The following ARHGAP10 variants were observed in gnomAD, a reference collection of about 807,000 sequenced individuals.
ARHGAP10 encodes rho GTPase-activating protein 10.
Under a neutral mutation model 108.6 loss-of-function variants are expected in ARHGAP10, and 87 were observed. The ratio of observed to expected loss-of-function variants is 0.80; its 90% CI spans 0.67 to 0.96. The LOEUF is 0.96. Ranked by LOEUF, ARHGAP10 falls within the 40% of genes least tolerant of loss-of-function variation. The pLI is 0.00. For missense variants in ARHGAP10, 939 were observed against 954.5 expected (o/e 0.98, Z 0.21); for synonymous variants, 347 against 341.1 (o/e 1.02, Z -0.19).
intron 1 of ARHGAP10, among the ~76,000 whole-genome samples, chr4:147,753,008 A>T (rs1433316176): frequency 6.6e-6 from 1 of 152,202 alleles, no homozygotes; most frequent in Non-Finnish European, 1.5e-5. Context: ...CTCCAGATTC[A>T]CCTATGAGGA....
chr4:147,804,934 C>T lies in ARHGAP10; in HGVS notation c.155-17793C>T, dbSNP rs143984189. 5.8e-4 allele frequency among the ~76,000 whole-genome samples: 89 copies of T among 152,226 alleles called. No individual in the cohort carries two copies. In the East Asian group the frequency reaches 0.017, roughly 29 times the overall value. ...CTATTCTGTGGGTTGTCTGTTTACTCTGTTGATAGTTTCTTTTTGCTGTGC... is the reference window on the plus strand; with the variant it reads ...CTATTCTGTGGGTTGTCTGTTTACTTTGTTGATAGTTTCTTTTTGCTGTGC... On this transcript the variant is annotated intron_variant, in intron 1 of 22. Coordinates refer to ENST00000336498, the MANE Select transcript of ARHGAP10 (RefSeq NM_024605.4).
At chr4:148,001,843 G>A (rs1312166356) in intron 18 of ARHGAP10, among the ~76,000 whole-genome samples, 5 of 152,140 alleles carry the variant, frequency 3.3e-5, no homozygotes, top group Admixed American at 6.6e-5. Context: ...TAAATATGCA[G>A]TCATGTCATC....
At chr4:147,757,921 G>A (rs1729447076) in intron 1 of ARHGAP10, among the ~76,000 whole-genome samples, 1 of 152,178 alleles carries the variant, frequency 6.6e-6, no homozygotes, top group South Asian at 2.1e-4. Flanking sequence ...TACCTCACCA[G>A]GGCCAGGGAG....
intron 3 of ARHGAP10, among the ~76,000 whole-genome samples, chr4:147,841,846 A>G (rs557617065): frequency 2.6e-5 from 4 of 152,310 alleles, no homozygotes; most frequent in African/African-American, 7.2e-5. Flanking sequence ...AGTTGGATAT[A>G]GTGTTATTTG....
chr4:147,953,015 C>T (rs1738666022), intron 15 of ARHGAP10, among the ~76,000 whole-genome samples: 1 of 151,782 alleles, frequency 6.6e-6, no homozygotes, highest in Non-Finnish European at 1.5e-5. Context: ...GGCTATTTCT[C>T]CTAAATTGTC....
At chr4:147,970,117 T>C (rs183250098) in intron 18 of ARHGAP10, among the ~76,000 whole-genome samples, 1 of 152,190 alleles carries the variant, frequency 6.6e-6, no homozygotes, top group East Asian at 1.9e-4. Context: ...TCCTGGCTCT[T>C]TGTTCCTGCT....
At chr4:147,881,430 G>A (rs2126871988) in intron 9 of ARHGAP10, among the ~76,000 whole-genome samples, 1 of 152,276 alleles carries the variant, frequency 6.6e-6, no homozygotes, top group East Asian at 1.9e-4. Context: ...CTGAGGTCAG[G>A]AGATTGACAC....
intron 18 of ARHGAP10, among the ~76,000 whole-genome samples, chr4:147,989,586 T>C (rs1477558365): frequency 6.6e-6 from 1 of 152,202 alleles, no homozygotes; most frequent in East Asian, 1.9e-4. Flanking sequence ...TTCAGCGATA[T>C]TTCTCCCATT....
intron 18 of ARHGAP10, among the ~76,000 whole-genome samples, chr4:147,994,230 C>A (rs1740386726): frequency 1.3e-5 from 2 of 152,158 alleles, no homozygotes; most frequent in African/African-American, 2.4e-5. Flanking sequence ...GTTTAAATTG[C>A]ACAAAAGTGC....
In ARHGAP10 at chr4:148,015,523, C is replaced by A. The variant is rs2149657767; in HGVS notation, c.1717-7740C>A. On this transcript the variant is annotated intron_variant, in intron 18 of 22. Coordinates refer to ENST00000336498, the MANE Select transcript of ARHGAP10 (RefSeq NM_024605.4). ...GAATATTTCCAGCCTCAAGCCTGAA[C>A]CCGACTGGTATTTTACTGTCAGACC... 5.3e-5 allele frequency among the ~76,000 whole-genome samples: 8 copies of A among 152,318 alleles called. No individual in the cohort carries two copies. In the South Asian group the frequency reaches 1.4e-3, roughly 28 times the overall value.
At chr4:147,759,940 GTGT>G (rs532654940) in intron 1 of ARHGAP10, among the ~76,000 whole-genome samples, 27 of 152,094 alleles carry the variant, frequency 1.8e-4, no homozygotes, top group Admixed American at 3.9e-4. Flanking sequence ...AGTAGAGACG[GTGT>G]TTCACCATGT....
In ARHGAP10 at chr4:147,968,886, G is replaced by A. The variant is rs545554808; in HGVS notation, c.1716+2047G>A. ...TCCAGCTCCTGTGGGAAAGCAGGTCGTCATCTGGGGGCGGAAGCCATGTTT... is the reference window on the plus strand; with the variant it reads ...TCCAGCTCCTGTGGGAAAGCAGGTCATCATCTGGGGGCGGAAGCCATGTTT... On this transcript the variant is annotated intron_variant, in intron 18 of 22. Coordinates refer to ENST00000336498, the MANE Select transcript of ARHGAP10 (RefSeq NM_024605.4). 1.6e-4 allele frequency among the ~76,000 whole-genome samples: 25 copies of A among 152,294 alleles called. No homozygotes were observed. In the South Asian group the frequency reaches 5.0e-3, roughly 30 times the overall value.
chr4:147,837,962 T>C (rs1208153394), intron 3 of ARHGAP10, among the ~76,000 whole-genome samples: 8 of 152,168 alleles, frequency 5.3e-5, no homozygotes, highest in Admixed American at 5.2e-4. Flanking sequence ...CTTTTAGGTA[T>C]GCATATGTAC....
chr4:148,051,407 G>A (rs1345807912), intron 20 of ARHGAP10, among the ~76,000 whole-genome samples: 1 of 152,164 alleles, frequency 6.6e-6, no homozygotes, highest in Non-Finnish European at 1.5e-5. Flanking sequence ...TGATGGAGCC[G>A]GGTCCTTGAC....
Position 147,966,722 on chromosome 4 carries a change from C to A in ARHGAP10, c.1599C>A (p.Asn533Lys). ...HSKQNLMTVA[N>K]LGVVFGPTLM... ...AGCAGAACCTGATGACTGTGGCAAA[C>A]TTAGGAGTGGTGTTTGGACCAACTC... Residue 533 changes from asparagine to lysine, a missense_variant, in exon 18 of 23, where the codon AAC becomes AAA. Coordinates refer to ENST00000336498, the MANE Select transcript of ARHGAP10 (RefSeq NM_024605.4). 6.3e-7 allele frequency: 1 copy of A among 1,596,690 alleles called. No individual in the cohort carries two copies. The highest frequency in any genetic ancestry group is 8.6e-7 in the Non-Finnish European group (1 of 1,168,326).
At chr4:147,917,310 C>T (rs1737028242) in intron 13 of ARHGAP10, 1 of 152,178 alleles carries the variant, frequency 6.6e-6, no homozygotes, top group South Asian at 2.1e-4. Context: ...GCAGACAGAG[C>T]CACAATTTAG....
chr4:147,897,220 CT>C (rs1736029770), intron 10 of ARHGAP10, among the ~76,000 whole-genome samples: 1 of 151,322 alleles, frequency 6.6e-6, no homozygotes, highest in South Asian at 2.1e-4. Context: ...CTAGCCATTG[CT>C]TTTTAAGCAG....
chr4:148,068,030 C>T (rs552836279), intron 22 of ARHGAP10, among the ~76,000 whole-genome samples: 5 of 151,420 alleles, frequency 3.3e-5, no homozygotes, highest in African/African-American at 9.7e-5. Context: ...GGTCTCAGGG[C>T]AGTGACGTTC....
chr4:148,051,815 T>G (rs2149683328), intron 20 of ARHGAP10, among the ~76,000 whole-genome samples: 1 of 152,324 alleles, frequency 6.6e-6, no homozygotes, highest in African/African-American at 2.4e-5. Context: ...ACCTTCCTAT[T>G]CCCATATACA....
Sources: gnomAD v4.1 joint callset for allele counts (sites outside exome capture counted in the v4.1 genomes callset) on GRCh38, gnomAD v4.1.1 for gene constraint, MANE v1.5 for transcripts, NCBI Gene and HGNC (gene_info 2026-07-23, HGNC 2026-07-21) for gene names.